Variants in FAM149B1 observed in about 807,000 individuals in gnomAD.
FAM149B1 encodes the protein family with sequence similarity 149 member B1.
FAM149B1 carries 56 observed loss-of-function variants against 75.3 expected under a neutral mutation model. The observed-to-expected ratio is 0.74, with a 90% CI of 0.60 to 0.93. The LOEUF is 0.93. Among genes scored for constraint, FAM149B1 ranks in the 40% least tolerant of loss-of-function variants. The probability of loss-of-function intolerance (pLI) is 0.00; values close to 1 mark genes in which losing one functional copy is unlikely to be tolerated. For synonymous variants in FAM149B1, 259 were observed against 256.1 expected (o/e 1.01, Z -0.11); for missense variants, 639 against 708.4 (o/e 0.90, Z 1.11).
chr10:73,200,997 C>G (rs2042921619), intron 5 of FAM149B1: 1 of 327,366 alleles, frequency 3.1e-6, no homozygotes, highest in Non-Finnish European at 6.2e-6. Context: ...TCACTATTTA[C>G]TTGTTGGCAC....
chr10:73,204,271 C>T (rs972435436), intron 5 of FAM149B1, among the ~76,000 whole-genome samples: 57 of 152,100 alleles, frequency 3.7e-4, no homozygotes, highest in African/African-American at 1.3e-3. Flanking sequence ...ATTACAGGCA[C>T]ATGCCATCAC....
At chr10:73,228,293 T>A in intron 8 of FAM149B1, 109 bp downstream of exon 8, 1 of 855,338 alleles carries the variant, frequency 1.2e-6, no homozygotes, top group Non-Finnish European at 1.9e-6. Context: ...TATGTTTTAG[T>A]ACAGTTATGT....
In FAM149B1 at chr10:73,233,112, C is replaced by T. The variant is rs1343687046; in HGVS notation, c.1301C>T (p.Ser434Leu). Residue 434 changes from serine to leucine, a missense_variant, in exon 10 of 14, where the codon TCA becomes TTA. By Grantham distance (145) the Ser-to-Leu change is moderately radical. Coordinates refer to ENST00000242505, the MANE Select transcript of FAM149B1 (RefSeq NM_173348.2). ...CTTCATCCGATCAGCACGAGCCATT[C>T]ATGTGCTGAAACACCAAGATCTGTG... The part of the protein sequence containing the change: ...RTLHPISTSH[S>L]CAETPRSVEE... The T allele has an allele frequency of 6.4e-7, 1 of 1,551,778 alleles. No homozygotes were observed. Among genetic ancestry groups the T allele is most frequent in the Admixed American group, 2.0e-5 (1 of 50,996 alleles).
chr10:73,226,297 G>A (rs2043546763), intron 7 of FAM149B1, among the ~76,000 whole-genome samples: 1 of 152,046 alleles, frequency 6.6e-6, no homozygotes, highest in Admixed American at 6.5e-5. Context: ...ATGAGGTCAG[G>A]AGATCAAGAC....
chr10:73,218,856 A>C (rs1028977500), intron 7 of FAM149B1, among the ~76,000 whole-genome samples: 5 of 152,090 alleles, frequency 3.3e-5, no homozygotes, highest in African/African-American at 1.2e-4. Context: ...CCCTCAATTT[A>C]TCTCTCTCAT....
chr10:73,172,020 A>G (rs572920545), intron 1 of FAM149B1, among the ~76,000 whole-genome samples: 14 of 152,306 alleles, frequency 9.2e-5, no homozygotes, highest in African/African-American at 3.1e-4. Context: ...ATATGTCATT[A>G]TGCATCTCTA....
At chr10:73,191,450 C>G (rs1014812831) in intron 3 of FAM149B1, among the ~76,000 whole-genome samples, 2 of 152,050 alleles carry the variant, frequency 1.3e-5, no homozygotes, top group African/African-American at 4.8e-5. Context: ...GATTCTCCTG[C>G]CTCAGCCTCT....
chr10:73,200,400 C>T, intron 5 of FAM149B1: 1 of 576,690 alleles, frequency 1.7e-6, no homozygotes, highest in Non-Finnish European at 3.4e-6. Flanking sequence ...TATATGGGAG[C>T]AACCTGTCAT....
At position 73,233,172 on chromosome 10, in the gene FAM149B1, C is replaced by T; in HGVS notation, c.1352+9C>T. The T allele has an allele frequency of 6.5e-7, 1 of 1,536,970 alleles. No individual in the cohort carries two copies. Among genetic ancestry groups the T allele is most frequent in the South Asian group, 1.2e-5 (1 of 83,696 alleles). ...CTCAGAGGAGCCCGAGTGTAGGTTT[C>T]AAAAGCAGAACTTCTGGAAACCGTG... On this transcript the variant is annotated intron_variant, in intron 10 of 13. Coordinates refer to ENST00000242505, the MANE Select transcript of FAM149B1 (RefSeq NM_173348.2).
At chr10:73,235,110 T>C in intron 11 of FAM149B1, 83 bp from the exon 12 acceptor site, 2 of 1,478,906 alleles carry the variant, frequency 1.4e-6, no homozygotes, top group Non-Finnish European at 1.8e-6. Flanking sequence ...ACTTACCATA[T>C]CTGCCATGGT....
chr10:73,203,261 C>A (rs2042981346), intron 5 of FAM149B1, among the ~76,000 whole-genome samples: 1 of 152,148 alleles, frequency 6.6e-6, no homozygotes, highest in African/African-American at 2.4e-5. Flanking sequence ...CCCAGAGTCC[C>A]ACAGAATAAT....
rs1195347775 is a variant in FAM149B1, at chr10:73,242,577, C to A, written c.*1558C>A. 1.3e-5 allele frequency: 2 copies of A among 152,156 alleles called. No homozygotes were observed. The highest frequency in any genetic ancestry group is 3.8e-4 in the East Asian group (2 of 5,200). 9.4% of individuals were successfully genotyped at this position (152,156 alleles called of 1,614,324 possible). ...TTCACTCTTTGTTTTGATGTAGTAA[C>A]TCTTTTATAAAAGGGAACAGATTCA... On this transcript the variant is annotated 3_prime_UTR_variant, in exon 14 of 14. Coordinates refer to ENST00000242505, the MANE Select transcript of FAM149B1 (RefSeq NM_173348.2).
intron 5 of FAM149B1, among the ~76,000 whole-genome samples, chr10:73,196,656 T>A (rs960408851): frequency 1.6e-4 from 25 of 152,200 alleles, no homozygotes; most frequent in Non-Finnish European, 2.5e-4. Flanking sequence ...GATTTTTTTT[T>A]AATTCAGGGT....
chr10:73,207,724 G>T (rs938151347), intron 5 of FAM149B1, among the ~76,000 whole-genome samples: 1 of 152,198 alleles, frequency 6.6e-6, no homozygotes, highest in African/African-American at 2.4e-5. Flanking sequence ...GACATCAAGG[G>T]GTTCTAAGAG....
chr10:73,201,905 C>T (rs1297167231), intron 5 of FAM149B1, among the ~76,000 whole-genome samples: 1 of 152,108 alleles, frequency 6.6e-6, no homozygotes, highest in African/African-American at 2.4e-5. Context: ...TGGCTCACAC[C>T]TGTAATCCCA....
At chr10:73,237,191 A>G (rs1167401144) in intron 12 of FAM149B1, among the ~76,000 whole-genome samples, 1 of 152,174 alleles carries the variant, frequency 6.6e-6, no homozygotes, top group African/African-American at 2.4e-5. Flanking sequence ...TTCCAGGTGG[A>G]CATAAATTTT....
intron 1 of FAM149B1, among the ~76,000 whole-genome samples, chr10:73,169,459 C>CA (rs1554852285): frequency 7.0e-6 from 1 of 142,614 alleles, no homozygotes; most frequent in Non-Finnish European, 1.5e-5. Flanking sequence ...AGGGCCTTCA[C>CA]TTTTTTTTTT....
chr10:73,216,331 AT>A (rs943325448), intron 7 of FAM149B1, among the ~76,000 whole-genome samples: 9 of 151,344 alleles, frequency 5.9e-5, no homozygotes, highest in Non-Finnish European at 1.0e-4. Context: ...TAGTTGGATT[AT>A]TTTTTTTCAA....
In FAM149B1 at chr10:73,168,133, G is replaced by C; in HGVS notation, c.-207G>C. On this transcript the variant is annotated 5_prime_UTR_variant, in exon 1 of 14. Coordinates refer to ENST00000242505, the MANE Select transcript of FAM149B1 (RefSeq NM_173348.2). Reference sequence around the variant, plus strand: ...GGGCCTTCGTCACTTCCGCCCCCGCGGCAAAGCAGGGAGGTCGGAGGACTG... The same window carrying C: ...GGGCCTTCGTCACTTCCGCCCCCGCCGCAAAGCAGGGAGGTCGGAGGACTG... The C allele has an allele frequency of 1.7e-6, 1 of 573,448 alleles. No homozygotes were observed. Among genetic ancestry groups the C allele is most frequent in the Non-Finnish European group, 3.1e-6 (1 of 327,838 alleles). 35.5% of individuals were successfully genotyped at this position (573,448 alleles called of 1,614,324 possible).
Sources: allele counts gnomAD v4.1 joint callset (sites outside exome capture counted in the v4.1 genomes callset), GRCh38; gene constraint gnomAD v4.1.1; transcripts MANE v1.5; gene names NCBI Gene and HGNC (gene_info 2026-07-23, HGNC 2026-07-21).